NHS: variants seen among roughly 807,000 people sequenced by gnomAD.
NHS encodes the protein actin remodeling regulator NHS.
In NHS, 5 loss-of-function variants were observed where a neutral mutation model predicts 72.5. The observed-to-expected ratio is 0.07, with a 90% CI of 0.04 to 0.14. The LOEUF (loss-of-function observed/expected upper bound fraction) is 0.14. NHS is among the 10% of genes least tolerant of loss of function. The pLI is 1.00. For missense variants in NHS, 1,072 were observed against 1,355.7 expected (o/e 0.79, Z 3.29); for synonymous variants, 464 against 547.7 (o/e 0.85, Z 2.13).
At chrX:17,438,758 T>G (rs958334949) in intron 1 of NHS, among the ~76,000 whole-genome samples, 34 of 111,644 alleles carry the variant, frequency 3.0e-4, no homozygotes, top group Admixed American at 6.6e-4. Context: ...TCTCCAACAC[T>G]CTCCTTGGTG....
intron 1 of NHS, among the ~76,000 whole-genome samples, chrX:17,424,912 C>T (rs981433289): frequency 2.5e-4 from 28 of 111,298 alleles, no homozygotes; most frequent in African/African-American, 9.1e-4. Context: ...TAGGAACTCA[C>T]GTCTGTTGAC....
chrX:17,476,154 G>C (rs1016199084), intron 1 of NHS, among the ~76,000 whole-genome samples: 2 of 111,813 alleles, frequency 1.8e-5, no homozygotes, highest in African/African-American at 6.5e-5. Flanking sequence ...AGCTGGGTTA[G>C]ACCACACTGT....
chrX:17,657,266 CG>C (rs1204415110), intron 1 of NHS, among the ~76,000 whole-genome samples: 1 of 112,964 alleles, frequency 8.9e-6, no homozygotes, highest in Admixed American at 9.2e-5. Flanking sequence ...CAGCAGGCCC[CG>C]CCATGATGGT....
intron 1 of NHS, among the ~76,000 whole-genome samples, chrX:17,614,715 C>A (rs2065728973): frequency 9.0e-6 from 1 of 111,154 alleles, no homozygotes; most frequent in South Asian, 3.9e-4. Context: ...ACAAAATGAA[C>A]TTTTTCCCCT....
intron 1 of NHS, among the ~76,000 whole-genome samples, chrX:17,490,174 G>T (rs1311494580): frequency 8.9e-6 from 1 of 112,336 alleles, no homozygotes; most frequent in East Asian, 2.8e-4. Flanking sequence ...ATTGCTTTTG[G>T]TGTTTTAGTC....
At chrX:17,446,497 G>A (rs886348098) in intron 1 of NHS, among the ~76,000 whole-genome samples, 2 of 109,063 alleles carry the variant, frequency 1.8e-5, no homozygotes, top group Admixed American at 2.0e-4. Context: ...TGAGCACCTT[G>A]TGACCCCCGC....
chrX:17,389,942 T>TA (rs1463101123), intron 1 of NHS, among the ~76,000 whole-genome samples: 2 of 106,396 alleles, frequency 1.9e-5, no homozygotes, highest in Non-Finnish European at 3.9e-5. Flanking sequence ...ATAACATTTT[T>TA]AAAAAAAATG....
chrX:17,628,557 C>T (rs2065809594), intron 1 of NHS, among the ~76,000 whole-genome samples: 1 of 113,188 alleles, frequency 8.8e-6, no homozygotes, highest in African/African-American at 3.2e-5. Context: ...AAGCAAGTGA[C>T]AGACGTTTCC....
chrX:17,470,237 G>A (rs938519389), intron 1 of NHS, among the ~76,000 whole-genome samples: 3 of 110,710 alleles, frequency 2.7e-5, no homozygotes, highest in African/African-American at 9.9e-5. Flanking sequence ...GAATCCAGGT[G>A]GTATGACTCC....
At chrX:17,594,544 C>T (rs1213632904) in intron 1 of NHS, among the ~76,000 whole-genome samples, 1 of 112,096 alleles carries the variant, frequency 8.9e-6, no homozygotes, top group Non-Finnish European at 1.9e-5. Flanking sequence ...CCTGGGGTAC[C>T]CCTGGGATCA....
At chrX:17,674,199 G>C (rs967312217) in intron 1 of NHS, among the ~76,000 whole-genome samples, 1 of 111,400 alleles carries the variant, frequency 9.0e-6, no homozygotes, top group African/African-American at 3.3e-5. Flanking sequence ...AGCCAGCACC[G>C]GGGCCCAAGG....
At chrX:17,566,491 C>T (rs1463540605) in intron 1 of NHS, among the ~76,000 whole-genome samples, 1 of 111,793 alleles carries the variant, frequency 8.9e-6, no homozygotes, top group African/African-American at 3.3e-5. Context: ...TCTCTTTGCT[C>T]ACAGCATCCC....
intron 3 of NHS, among the ~76,000 whole-genome samples, chrX:17,711,860 TAGTC>T (rs1039305201): frequency 1.8e-5 from 2 of 111,920 alleles, no homozygotes; most frequent in South Asian, 7.5e-4. Flanking sequence ...TGTTGGGAGA[TAGTC>T]AGGTTGTTTC....
chrX:17,697,257 C>T (rs767106351), intron 3 of NHS, among the ~76,000 whole-genome samples: 3 of 110,778 alleles, frequency 2.7e-5, no homozygotes, highest in Admixed American at 9.6e-5. Flanking sequence ...TTCAAGGACA[C>T]GCAGGAGTTG....
chrX:17,598,287 A>G lies in NHS; in HGVS notation c.566-89455A>G, dbSNP rs1204265246. On this transcript the variant is annotated intron_variant, in intron 1 of 8. Transcript: ENST00000676302. ...GAGCCTGTTGGGAGTCCAGACTCCA[A>G]GTCAAGAAGAACAGAATTAACTGGC... Among the ~76,000 whole-genome samples, 3 of 112,337 alleles carry G rather than the reference A, an allele frequency of 2.7e-5. No homozygotes were observed. In the Admixed American group the frequency reaches 2.8e-4, roughly 11 times the overall value.
At chrX:17,503,706 A>T (rs1289498776) in intron 1 of NHS, among the ~76,000 whole-genome samples, 12 of 112,039 alleles carry the variant, frequency 1.1e-4, no homozygotes. Flanking sequence ...TTCTGAATTC[A>T]TTCCAGGACT....
At chrX:17,452,491 G>GTT (rs112703898) in intron 1 of NHS, among the ~76,000 whole-genome samples, 14 of 98,518 alleles carry the variant, frequency 1.4e-4, no homozygotes, top group African/African-American at 4.8e-4. Flanking sequence ...ATCTTTCTGT[G>GTT]TTTTTTTTTT....
At chrX:17,496,481 T>C (rs1336169522) in intron 1 of NHS, among the ~76,000 whole-genome samples, 2 of 111,136 alleles carry the variant, frequency 1.8e-5, no homozygotes, top group Non-Finnish European at 3.8e-5. Context: ...ATTTGCCCAG[T>C]TATGCATTTG....
chrX:17,409,514 A>G (rs1223032902), intron 1 of NHS, among the ~76,000 whole-genome samples: 6 of 111,024 alleles, frequency 5.4e-5, no homozygotes, highest in Non-Finnish European at 1.1e-4. Context: ...GGGTTATGCC[A>G]TGACAATAAA....
Sources: gnomAD v4.1 joint callset for allele counts (sites outside exome capture counted in the v4.1 genomes callset) on GRCh38, gnomAD v4.1.1 for gene constraint, MANE v1.5 for transcripts, NCBI Gene and HGNC (gene_info 2026-07-23, HGNC 2026-07-21) for gene names.